Variants in CACNA1C observed in about 807,000 individuals in gnomAD.
CACNA1C encodes calcium voltage-gated channel subunit alpha1 C.
CACNA1C carries 30 observed loss-of-function variants against 229.0 expected under a neutral mutation model. The observed-to-expected ratio is 0.13, with a 90% CI of 0.10 to 0.18. The LOEUF (loss-of-function observed/expected upper bound fraction) is 0.18, where lower values mean the gene tolerates loss of function less well. CACNA1C is among the 10% of genes least tolerant of loss of function. CACNA1C has a pLI of 1.00. For missense variants in CACNA1C, 1,658 were observed against 2,845.0 expected (o/e 0.58, Z 9.49); for synonymous variants, 1,114 against 1,132.5 (o/e 0.98, Z 0.33).
chr12:2,487,244 A>G (rs981719740), intron 6 of CACNA1C, among the ~76,000 whole-genome samples: 1 of 151,756 alleles, frequency 6.6e-6, no homozygotes, highest in Non-Finnish European at 1.5e-5. Context: ...ATCTTGGTGG[A>G]AAAAGGGGAG....
At chr12:2,270,452 C>G (rs1034742371) in intron 3 of CACNA1C, among the ~76,000 whole-genome samples, 1 of 152,220 alleles carries the variant, frequency 6.6e-6, no homozygotes, top group Admixed American at 6.5e-5. Flanking sequence ...CTCAGTGACC[C>G]CTCATGTCAA....
At position 2,427,715 on chromosome 12, in the gene CACNA1C, G is replaced by A. The variant is rs189750966; in HGVS notation, c.478-21261G>A. Reference sequence around the variant, plus strand: ...CAGCTCACTGCAACCTCCGCCTCCCGGGTTGAAGTGATTCTCCTGCCTCAG... The same window carrying A: ...CAGCTCACTGCAACCTCCGCCTCCCAGGTTGAAGTGATTCTCCTGCCTCAG... On this transcript the variant is annotated intron_variant, in intron 3 of 46. Coordinates refer to ENST00000399655, the MANE Select transcript of CACNA1C (RefSeq NM_000719.7). Among the ~76,000 whole-genome samples the A allele has an allele frequency of 5.8e-3, 882 of 152,120 alleles. 6 individuals carry two copies. Among genetic ancestry groups the A allele is most frequent in the African/African-American group, 0.02 (809 of 41,484 alleles).
intron 3 of CACNA1C, among the ~76,000 whole-genome samples, chr12:2,331,394 A>T (rs895267830): frequency 2.0e-5 from 3 of 152,234 alleles, no homozygotes; most frequent in African/African-American, 7.2e-5. Flanking sequence ...ATTGTGCTTT[A>T]CTGAAAGGAA....
intron 8 of CACNA1C, among the ~76,000 whole-genome samples, chr12:2,511,418 T>C (rs944338331): frequency 6.6e-6 from 1 of 152,228 alleles, no homozygotes; most frequent in African/African-American, 2.4e-5. Flanking sequence ...TTTGTGGTGC[T>C]GTCCCTCCTT....
chr12:2,665,818 C>A lies in CACNA1C; in HGVS notation c.4526+110C>A. 1 of 1,092,414 alleles carries A rather than the reference C, an allele frequency of 9.2e-7. No homozygotes were observed. 67.7% of individuals were successfully genotyped at this position (1,092,414 alleles called of 1,614,324 possible). A position where few individuals can be genotyped will look rare whatever the true frequency, so the allele number is the denominator to read the frequency against. On this transcript the variant is annotated intron_variant, in intron 36 of 46. Transcript: ENST00000399655. This position sits in a 1 kb window ranked among gnomAD's most constrained non-coding sequence, Gnocchi z 5.9. The stretch of plus-strand genomic sequence containing the variant: ...CAACACTGGGTGGATCAATTAGAAA[C>A]ACTGGATTGTATCACACCCTAGGGT...
At chr12:2,199,478 T>TC (rs199809607) in intron 3 of CACNA1C, among the ~76,000 whole-genome samples, 1,675 of 152,306 alleles carry the variant, frequency 0.011, 13 homozygotes, top group Non-Finnish European at 0.017. Context: ...TCTAGCTTAC[T>TC]CTACTGTAAG....
intron 5 of CACNA1C, among the ~76,000 whole-genome samples, chr12:2,463,326 T>C (rs1014879134): frequency 6.6e-6 from 1 of 152,262 alleles, no homozygotes; most frequent in African/African-American, 2.4e-5. Flanking sequence ...TTTATCAATT[T>C]GTTCAACAAA....
Position 2,115,499 on chromosome 12 carries a change from C to T in CACNA1C, c.325C>T (p.Leu109=). The part of the protein sequence containing the change: ...RPPRALLCLT[L]KNPIRRACIS... ...GCCCCGAGCCCTGCTCTGCCTGACC[C>T]TGAAGAACCCCATCCGGAGGGCCTG... Residue 109 remains leucine, a synonymous_variant, in exon 2 of 47, where the codon CTG becomes TTG. Coordinates refer to ENST00000399655, the MANE Select transcript of CACNA1C (RefSeq NM_000719.7). 6.2e-7 allele frequency: 1 copy of T among 1,613,546 alleles called. No homozygotes were observed. Among genetic ancestry groups the T allele is most frequent in the South Asian group, 1.1e-5 (1 of 91,088 alleles).
chr12:2,080,048 G>A (rs2064878185), intron 1 of CACNA1C, among the ~76,000 whole-genome samples: 1 of 151,848 alleles, frequency 6.6e-6, no homozygotes. Context: ...ATCACTTGAG[G>A]CCAGGAGTTC....
chr12:2,375,989 A>G (rs1480233191), intron 3 of CACNA1C, among the ~76,000 whole-genome samples: 1 of 152,226 alleles, frequency 6.6e-6, no homozygotes, highest in African/African-American at 2.4e-5. Context: ...GAACCAAACA[A>G]CGAAGCAAGC....
Position 2,692,153 on chromosome 12 carries a change from T to C in CACNA1C, c.*954T>C, listed in dbSNP as rs1472450370. 1 of 152,232 alleles carries C rather than the reference T, an allele frequency of 6.6e-6. No homozygotes were observed. Among genetic ancestry groups the C allele is most frequent in the African/African-American group, 2.4e-5 (1 of 41,466 alleles). 9.4% of individuals were successfully genotyped at this position (152,232 alleles called of 1,614,324 possible). A position where few individuals can be genotyped will look rare whatever the true frequency, so the allele number is the denominator to read the frequency against. On this transcript the variant is annotated 3_prime_UTR_variant, in exon 47 of 47. Transcript: ENST00000399655. ...CAATAGAAGCCGCTGCAGGAGAGTT[T>C]TACCAACCATTGTGTATGCCCAATA...
chr12:2,640,558 T>C (rs1176770933), intron 30 of CACNA1C, among the ~76,000 whole-genome samples: 2 of 152,180 alleles, frequency 1.3e-5, no homozygotes, highest in Non-Finnish European at 2.9e-5. Context: ...ACCACTCCCT[T>C]TGCCCAGTTG....
At position 2,593,220 on chromosome 12, in the gene CACNA1C, G is replaced by A. The variant is rs770931071; in HGVS notation, c.2538G>A (p.Glu846=). The change falls in exon 19 of 47, where the codon GAG becomes GAA. Residue 846 remains glutamate, a synonymous_variant. Coordinates refer to ENST00000399655, the MANE Select transcript of CACNA1C (RefSeq NM_000719.7). ...PYPNPETTGE[E]DEEEPEMPVG... is the part of the protein sequence containing the mutation. The stretch of plus-strand genomic sequence containing the variant: ...GTGCTGTTCTTCTTACAGGAGAAGA[G>A]GATGAGGAGGAGCCAGAGATGCCTG... The A allele has an allele frequency of 6.2e-7, 1 of 1,613,692 alleles. No homozygotes were observed. Among genetic ancestry groups the A allele is most frequent in the Non-Finnish European group, 8.5e-7 (1 of 1,179,758 alleles).
chr12:2,682,873 C>A (rs76222415), intron 43 of CACNA1C, among the ~76,000 whole-genome samples, 195 bp downstream of exon 43: 2 of 122 alleles, frequency 0.016, no homozygotes, highest in Non-Finnish European at 0.025. Context: ...CACAAACACA[C>A]ACACACCACA....
chr12:2,053,074 C>T lies in CACNA1C; in HGVS notation c.-489C>T. On this transcript the variant is annotated 5_prime_UTR_variant, in exon 1 of 47. Coordinates refer to ENST00000399655, the MANE Select transcript of CACNA1C (RefSeq NM_000719.7). The surrounding 1 kb of genome is among the most constrained non-coding windows in gnomAD (Gnocchi z 5.8). The stretch of plus-strand genomic sequence containing the variant: ...CGGGCCCGGAGCGGCGGCGGCGGCT[C>T]TTCCTGCCTCCGCGCCCAGGAGTTG... 1 of 984,310 alleles carries T rather than the reference C, an allele frequency of 1.0e-6. No individual in the cohort carries two copies. The highest frequency in any genetic ancestry group is 1.2e-6 in the Non-Finnish European group (1 of 829,260). The allele number at this position is 984,310 out of a possible 1,614,324, so 61.0% of individuals were successfully genotyped here.
chr12:2,305,815 C>T (rs1352331952), intron 3 of CACNA1C, among the ~76,000 whole-genome samples: 2 of 152,152 alleles, frequency 1.3e-5, no homozygotes, highest in African/African-American at 4.8e-5. Context: ...TGCATGCCAC[C>T]CTGGGTGACA....
chr12:2,395,181 C>T (rs1301942215), intron 3 of CACNA1C, among the ~76,000 whole-genome samples: 1 of 150,632 alleles, frequency 6.6e-6, no homozygotes, highest in Non-Finnish European at 1.5e-5. Flanking sequence ...ACTGTGCCTG[C>T]ACTCCAGCCT....
At chr12:2,420,466 T>A (rs1466592780) in intron 3 of CACNA1C, among the ~76,000 whole-genome samples, 1 of 152,178 alleles carries the variant, frequency 6.6e-6, no homozygotes, top group Non-Finnish European at 1.5e-5. Context: ...TCCCACTGGC[T>A]TTTCTCCCTG....
intron 3 of CACNA1C, among the ~76,000 whole-genome samples, chr12:2,438,186 G>GGGATGGTGGT (rs1555573780): frequency 6.9e-6 from 1 of 145,126 alleles, no homozygotes; most frequent in East Asian, 2.1e-4. Context: ...GGGGATGGTG[G>GGGATGGTGGT]GATAATGACG....
Sources: allele counts gnomAD v4.1 joint callset (sites outside exome capture counted in the v4.1 genomes callset), GRCh38; gene constraint gnomAD v4.1.1; non-coding constraint Gnocchi (gnomAD v3.1); transcripts MANE v1.5; gene names NCBI Gene and HGNC (gene_info 2026-07-23, HGNC 2026-07-21).